PUS1: variants seen among roughly 807,000 people sequenced by gnomAD.
The protein encoded by PUS1 is pseudouridylate synthase 1 homolog.
A neutral mutation model predicts 38.5 loss-of-function variants in PUS1; 25 were observed. That is an observed-to-expected ratio of 0.65 (90% CI 0.47 to 0.91). The LOEUF is 0.91. Ranked by LOEUF, PUS1 falls within the 40% of genes least tolerant of loss-of-function variation. The pLI is 0.00. For synonymous variants in PUS1, 282 were observed against 260.4 expected (o/e 1.08, Z -0.80); for missense variants, 597 against 612.3 (o/e 0.97, Z 0.26).
At chr12:131,938,518 G>A (rs1039133861) in intron 3 of PUS1, among the ~76,000 whole-genome samples, 2 of 152,144 alleles carry the variant, frequency 1.3e-5, no homozygotes, top group African/African-American at 4.8e-5. Flanking sequence ...AGTAAAGTGT[G>A]CGAGTCTTAA....
intron 5 of PUS1, among the ~76,000 whole-genome samples, chr12:131,942,765 G>C (rs376321761): frequency 5.3e-5 from 8 of 152,208 alleles, no homozygotes; most frequent in African/African-American, 1.9e-4. Context: ...CCCAGGCAGG[G>C]CTCAGGGAGA....
Position 131,941,869 on chromosome 12 carries a change from C to T in PUS1, c.1122C>T (p.Tyr374=), listed in dbSNP as rs779193823. The T allele has an allele frequency of 3.7e-6, 6 of 1,613,772 alleles. No homozygotes were observed. Among genetic ancestry groups the T allele is most frequent in the South Asian group, 3.3e-5 (3 of 91,092 alleles). ...CAGCCTTCAAGGAGGAGCACATCTA[C>T]CCCACCATCATCGGCACCGAGCGGG... is the stretch of plus-strand genomic sequence containing the variant. ...KVAAFKEEHI[Y]PTIIGTERDE... is the part of the protein sequence containing the mutation. The change falls in exon 5 of 6, where the codon TAC becomes TAT. Residue 374 remains tyrosine (Y), a synonymous_variant. Transcript: ENST00000376649. The surrounding 1 kb of genome is among the most constrained non-coding windows in gnomAD (Gnocchi z 4.4).
Position 131,941,194 on chromosome 12 carries a change from G to A in PUS1, c.545-98G>A. 9.3e-7 allele frequency: 1 copy of A among 1,076,582 alleles called. No individual in the cohort carries two copies. The highest frequency in any genetic ancestry group is 1.4e-6 in the Non-Finnish European group (1 of 718,296). The allele number at this position is 1,076,582 out of a possible 1,614,324, so 66.7% of individuals were successfully genotyped here. On this transcript the variant is annotated intron_variant, in intron 4 of 5. Transcript: ENST00000376649. This position sits in a 1 kb window ranked among gnomAD's most constrained non-coding sequence, Gnocchi z 4.4. Reference sequence around the variant, plus strand: ...TGCTGGAGCTTGGTCGGTGCTCTGGGTAAGGAGACGCTGGGGCTCACGCCG... The same window carrying A: ...TGCTGGAGCTTGGTCGGTGCTCTGGATAAGGAGACGCTGGGGCTCACGCCG...
chr12:131,931,880 C>G (rs1041702998), intron 2 of PUS1: 20 of 598,230 alleles, frequency 3.3e-5, no homozygotes, highest in Non-Finnish European at 5.7e-5. Context: ...AGGTAGCACC[C>G]ACGGCACTGA....
intron 5 of PUS1, 54 bp downstream of exon 5, chr12:131,942,037 A>G: frequency 6.7e-7 from 1 of 1,483,008 alleles, no homozygotes; most frequent in Non-Finnish European, 9.3e-7. Context: ...CATTGTTCCC[A>G]TTGTACAGAG....
rs1890614763 is a variant in PUS1, at chr12:131,931,832, TA to T, written c.304-342del. 4.2e-5 allele frequency: 20 copies of T among 472,098 alleles called. No individual in the cohort carries two copies. In the South Asian group the frequency reaches 4.6e-4, roughly 11 times the overall value. 29.2% of individuals were successfully genotyped at this position (472,098 alleles called of 1,614,324 possible). A position where few individuals can be genotyped will look rare whatever the true frequency, so the allele number is the denominator to read the frequency against. On this transcript the variant is annotated intron_variant, in intron 2 of 5. Transcript: ENST00000376649. ...AGGTGTGAGCCACTGCACCTGGCCA[TA>T]GATTACTTTATAGTCAATGTTTTTT...
chr12:131,934,397 G>T (rs929312718), intron 3 of PUS1, among the ~76,000 whole-genome samples: 4 of 152,136 alleles, frequency 2.6e-5, no homozygotes, highest in Non-Finnish European at 4.4e-5. Context: ...GCCTTCAAGC[G>T]ACCCTTATCT....
At position 131,941,552 on chromosome 12, in the gene PUS1, G is replaced by A. The variant is rs768524567; in HGVS notation, c.805G>A (p.Glu269Lys). The A allele has an allele frequency of 9.3e-6, 15 of 1,614,102 alleles. No individual in the cohort carries two copies. The highest frequency in any genetic ancestry group is 2.7e-5 in the African/African-American group (2 of 74,948). Residue 269 changes from glutamate to lysine, a missense_variant, in exon 5 of 6, where the codon GAG (glutamate) becomes AAG (lysine). Coordinates refer to ENST00000376649, the MANE Select transcript of PUS1 (RefSeq NM_025215.6). This position sits in a 1 kb window ranked among gnomAD's most constrained non-coding sequence, Gnocchi z 4.4. ...ACRYILEMYC[E>K]EPFVREGLEF... ...CCGCTACATCCTGGAGATGTACTGC[G>A]AGGAACCCTTTGTGCGGGAGGGCCT...
At chr12:131,935,129 CAAAG>C (rs1890767444) in intron 3 of PUS1, among the ~76,000 whole-genome samples, 1 of 149,262 alleles carries the variant, frequency 6.7e-6, no homozygotes, top group Non-Finnish European at 1.5e-5. Flanking sequence ...GGTGAGAACA[CAAAG>C]AGGGATCCAC....
intron 3 of PUS1, among the ~76,000 whole-genome samples, chr12:131,935,937 G>A (rs896714779): frequency 2.7e-4 from 41 of 152,094 alleles, no homozygotes; most frequent in Admixed American, 2.6e-3. Flanking sequence ...TTGGACGGGC[G>A]TGGTGGCTCA....
intron 5 of PUS1, 57 bp downstream of exon 5, chr12:131,942,040 G>GT: frequency 6.9e-7 from 1 of 1,451,404 alleles, no homozygotes; most frequent in African/African-American, 1.4e-5. Flanking sequence ...TGTTCCCATT[G>GT]TACAGAGGAG....
intron 3 of PUS1, among the ~76,000 whole-genome samples, chr12:131,933,597 C>T (rs575803888): frequency 6.6e-4 from 101 of 152,354 alleles, no homozygotes; most frequent in South Asian, 2.7e-3. Context: ...CCACCCTGGA[C>T]GCTGCTGCTG....
At chr12:131,933,624 A>C (rs893364216) in intron 3 of PUS1, among the ~76,000 whole-genome samples, 1 of 152,240 alleles carries the variant, frequency 6.6e-6, no homozygotes, top group Non-Finnish European at 1.5e-5. Flanking sequence ...GTGGAAGCAC[A>C]TGCCAAGTGG....
In PUS1 at chr12:131,929,631, C is replaced by T; in HGVS notation, c.-92C>T. The stretch of plus-strand genomic sequence containing the variant: ...GGAACAGGGCTGCAGCGTCAGGGTC[C>T]GAGAGGTTAGGGGTCGGCAGAGGCG... On this transcript the variant is annotated 5_prime_UTR_variant, in exon 1 of 6. Coordinates refer to ENST00000376649, the MANE Select transcript of PUS1 (RefSeq NM_025215.6). The T allele has an allele frequency of 4.6e-6, 5 of 1,097,626 alleles. No homozygotes were observed. The highest frequency in any genetic ancestry group is 6.2e-6 in the Non-Finnish European group (5 of 802,902). The allele number at this position is 1,097,626 out of a possible 1,614,324, so 68.0% of individuals were successfully genotyped here. A position where few individuals can be genotyped will look rare whatever the true frequency, so the allele number is the denominator to read the frequency against.
At chr12:131,930,247 G>A in intron 2 of PUS1, 112 bp downstream of exon 2, 1 of 606,230 alleles carries the variant, frequency 1.6e-6, no homozygotes, top group African/African-American at 1.9e-5. Context: ...CCCAGGTAGC[G>A]GCGGGTCCGG....
In PUS1 at chr12:131,929,983, G is replaced by T; in HGVS notation, c.151G>T (p.Gly51Cys). 2 of 1,496,148 alleles carry T rather than the reference G, an allele frequency of 1.3e-6. No homozygotes were observed. The highest frequency in any genetic ancestry group is 8.8e-7 in the Non-Finnish European group (1 of 1,134,290). 92.7% of individuals were successfully genotyped at this position (1,496,148 alleles called of 1,614,324 possible). A position where few individuals can be genotyped will look rare whatever the true frequency, so the allele number is the denominator to read the frequency against. ...CCCCCAGGACCGGAGGTCCTGCAGC[G>T]GCCGGGCCGGGGGCGACCGCGTCTG... Reference protein sequence around the residue: ...ACPQDRRSCSGRAGGDRVWED... With the variant: ...ACPQDRRSCSCRAGGDRVWED... Residue 51 changes from glycine (G) to cysteine (C), a missense_variant, in exon 2 of 6, where the codon GGC (glycine) becomes TGC (cysteine). Coordinates refer to ENST00000376649, the MANE Select transcript of PUS1 (RefSeq NM_025215.6).
At chr12:131,932,569 G>C (rs1255344350) in intron 3 of PUS1, 1 of 577,068 alleles carries the variant, frequency 1.7e-6, no homozygotes, top group African/African-American at 1.9e-5. Context: ...TGTTCTCAGG[G>C]ACACACATTC....
intron 2 of PUS1, among the ~76,000 whole-genome samples, chr12:131,931,118 G>T (rs1285222624): frequency 6.6e-6 from 1 of 152,152 alleles, no homozygotes; most frequent in Non-Finnish European, 1.5e-5. Context: ...CTTAACTTCG[G>T]CAGTTGTTAT....
intron 3 of PUS1, among the ~76,000 whole-genome samples, chr12:131,934,355 C>G (rs944545293): frequency 6.6e-6 from 1 of 152,166 alleles, no homozygotes; most frequent in African/African-American, 2.4e-5. Context: ...CAGGTGCCTT[C>G]CCAGGCACTG....
Sources: allele counts gnomAD v4.1 joint callset (sites outside exome capture counted in the v4.1 genomes callset), GRCh38; gene constraint gnomAD v4.1.1; non-coding constraint Gnocchi (gnomAD v3.1); transcripts MANE v1.5; gene names NCBI Gene and HGNC (gene_info 2026-07-23, HGNC 2026-07-21).